Variants in SUMF1 observed in about 807,000 individuals in gnomAD.
SUMF1 encodes formylglycine-generating enzyme.
SUMF1 carries 48 observed loss-of-function variants against 47.6 expected under a neutral mutation model. The observed-to-expected ratio is 1.01, with a 90% CI of 0.80 to 1.28. The LOEUF (loss-of-function observed/expected upper bound fraction) is 1.28, where lower values mean the gene tolerates loss of function less well. Ranked by LOEUF, SUMF1 falls within the 50% of genes most tolerant of loss-of-function variation. SUMF1 has a pLI of 0.00. For synonymous variants in SUMF1, 230 were observed against 192.1 expected (o/e 1.20, Z -1.63); for missense variants, 571 against 485.4 (o/e 1.18, Z -1.66).
rs572920388 is a variant in SUMF1, at chr3:4,117,434, A to C, written c.1015-48689T>G. Among the ~76,000 whole-genome samples, 20 of 152,218 alleles carry C rather than the reference A, an allele frequency of 1.3e-4. 1 individual carries two copies. The South Asian group carries it at 4.1e-3, about 32-fold the overall frequency. ...ATACATGCTAATTAATACTCAAGAA[A>C]TCAGGTAAACAGGGACTTAAGGGCA... On this transcript the variant is annotated intron_variant and NMD_transcript_variant, in intron 8 of 12. Coordinates refer to the SUMF1 transcript ENST00000448413.
chr3:4,097,129 G>T (rs11928084), intron 8 of SUMF1, among the ~76,000 whole-genome samples: 16,338 of 152,036 alleles, frequency 0.11, 1,706 homozygotes, highest in African/African-American at 0.25. Flanking sequence ...ATGAAAAAAT[G>T]GTATCTAATT....
At chr3:4,168,524 G>T (rs1694761929) in intron 8 of SUMF1, among the ~76,000 whole-genome samples, 3 of 152,184 alleles carry the variant, frequency 2.0e-5, no homozygotes, top group Non-Finnish European at 4.4e-5. Context: ...CAAATGAATT[G>T]CAGAGTGGGA....
At chr3:4,181,820 C>A (rs1695100682) in intron 8 of SUMF1, among the ~76,000 whole-genome samples, 1 of 152,090 alleles carries the variant, frequency 6.6e-6, no homozygotes, top group African/African-American at 2.4e-5. Flanking sequence ...GTATGTATCA[C>A]ATGCATGTGT....
chr3:4,466,864 G>T, intron 1 of SUMF1, 112 bp downstream of exon 1: 6 of 1,460,710 alleles, frequency 4.1e-6, no homozygotes, highest in Non-Finnish European at 5.5e-6. Context: ...GCTCGATTTG[G>T]GGTGTGGTTA....
intron 8 of SUMF1, among the ~76,000 whole-genome samples, chr3:4,253,569 CG>C (rs201794564): frequency 0.016 from 2,422 of 151,718 alleles, 73 homozygotes; most frequent in African/African-American, 0.056. Context: ...TAAAAAACGG[CG>C]CACCATGAGA....
At chr3:4,190,330 G>A (rs993653485) in intron 8 of SUMF1, among the ~76,000 whole-genome samples, 1 of 152,034 alleles carries the variant, frequency 6.6e-6, no homozygotes, top group Non-Finnish European at 1.5e-5. Context: ...GTGTGTTGGC[G>A]ACAGCAACGT....
At chr3:4,449,454 T>C in intron 2 of SUMF1, 114 bp from the exon 3 acceptor site, 1 of 1,083,870 alleles carries the variant, frequency 9.2e-7, no homozygotes, top group Non-Finnish European at 1.4e-6. Flanking sequence ...TGAACTTGAG[T>C]CTTTCTTATG....
chr3:4,281,278 G>A (rs769771970), intron 8 of SUMF1, among the ~76,000 whole-genome samples: 2 of 152,114 alleles, frequency 1.3e-5, no homozygotes, highest in Non-Finnish European at 2.9e-5. Flanking sequence ...TACAGACAAG[G>A]AGACTCTTTG....
chr3:4,425,823 G>A (rs779446086), intron 3 of SUMF1, among the ~76,000 whole-genome samples: 3 of 152,208 alleles, frequency 2.0e-5, no homozygotes, highest in Non-Finnish European at 2.9e-5. Flanking sequence ...TGACTGTGGA[G>A]GTCTCACAAT....
chr3:4,259,740 G>T (rs1697044501), intron 8 of SUMF1, among the ~76,000 whole-genome samples: 1 of 152,010 alleles, frequency 6.6e-6, no homozygotes, highest in South Asian at 2.1e-4. Flanking sequence ...ATGGCAAAAG[G>T]CAATTTTTAA....
chr3:4,345,303 A>G (rs376631213), intron 8 of SUMF1, among the ~76,000 whole-genome samples: 3 of 152,256 alleles, frequency 2.0e-5, no homozygotes, highest in East Asian at 3.8e-4. Flanking sequence ...GGTTACCCAC[A>G]AAGGGAAGCC....
At position 4,445,415 on chromosome 3, in the gene SUMF1, G is replaced by A. The variant is rs982037512; in HGVS notation, c.519+3851C>T. On this transcript the variant is annotated intron_variant, in intron 3 of 8. Transcript: ENST00000272902. ...TACAATGGTGCCATCACAGCTCACT[G>A]AAACCTCGAACTCCTGGGCTCAAGT... is the stretch of plus-strand genomic sequence containing the variant. 2.6e-5 allele frequency among the ~76,000 whole-genome samples: 4 copies of A among 152,140 alleles called. No individual in the cohort carries two copies. The East Asian group carries it at 7.7e-4, about 29-fold the overall frequency.
chr3:4,460,626 G>A (rs1393528941), intron 1 of SUMF1, among the ~76,000 whole-genome samples: 1 of 146,940 alleles, frequency 6.8e-6, no homozygotes, highest in African/African-American at 2.6e-5. Flanking sequence ...GTGTGTGTGA[G>A]AGTGTGTGTG....
At chr3:4,389,464 G>A (rs57644522) in intron 7 of SUMF1, among the ~76,000 whole-genome samples, 18,357 of 152,006 alleles carry the variant, frequency 0.12, 1,776 homozygotes, top group African/African-American at 0.27. Context: ...CCTCATTGGG[G>A]TTTGCTTAGC....
At chr3:4,203,809 C>G (rs769986839) in intron 8 of SUMF1, among the ~76,000 whole-genome samples, 171 of 151,626 alleles carry the variant, frequency 1.1e-3, no homozygotes, top group Non-Finnish European at 3.4e-4. Flanking sequence ...CATCTTGTAA[C>G]TCATTATTTT....
intron 8 of SUMF1, among the ~76,000 whole-genome samples, chr3:4,319,596 C>A (rs908843243): frequency 1.3e-5 from 2 of 152,186 alleles, no homozygotes; most frequent in African/African-American, 4.8e-5. Context: ...CCTGAAGGGT[C>A]AATTTCCATG....
chr3:4,392,536 T>C (rs1700900659), intron 7 of SUMF1, among the ~76,000 whole-genome samples: 1 of 151,076 alleles, frequency 6.6e-6, no homozygotes, highest in Non-Finnish European at 1.5e-5. Flanking sequence ...ATATGCATAA[T>C]TTAAGATTAC....
intron 8 of SUMF1, among the ~76,000 whole-genome samples, chr3:4,143,988 CTTTTTTTTT>C (rs10598580): frequency 1.2e-5 from 1 of 85,652 alleles, no homozygotes; most frequent in Admixed American, 1.1e-4. Flanking sequence ...TCTTCTCTCT[CTTTTTTTTT>C]TTTTTTTTTT....
At chr3:4,419,193 G>A (rs1701813433) in intron 4 of SUMF1, among the ~76,000 whole-genome samples, 1 of 152,118 alleles carries the variant, frequency 6.6e-6, no homozygotes, top group Non-Finnish European at 1.5e-5. Flanking sequence ...GATATTAACT[G>A]GGAGCTAAGA....
Sources: allele counts gnomAD v4.1 joint callset (sites outside exome capture counted in the v4.1 genomes callset), GRCh38; gene constraint gnomAD v4.1.1; transcripts MANE v1.5; gene names NCBI Gene and HGNC (gene_info 2026-07-23, HGNC 2026-07-21).